MFAP1: variants seen among roughly 807,000 people sequenced by gnomAD.
MFAP1 encodes microfibril associated protein 1, also known as microfibrillar-associated protein 1.
Under a neutral mutation model 62.2 loss-of-function variants are expected in MFAP1, and 18 were observed. That is an observed-to-expected ratio of 0.29 (90% confidence interval 0.20 to 0.43). MFAP1 has a LOEUF of 0.43. MFAP1 is among the 20% of genes least tolerant of loss of function. The pLI, the probability that MFAP1 is intolerant of heterozygous loss-of-function variation, is 1.00. For synonymous variants in MFAP1, 175 were observed against 180.4 expected (o/e 0.97, Z 0.24); for missense variants, 355 against 559.7 (o/e 0.63, Z 3.69).
chr15:43,809,897 G>A lies in MFAP1; in HGVS notation c.905C>T (p.Ala302Val). 6.2e-7 allele frequency: 1 copy of A among 1,614,114 alleles called. No individual in the cohort carries two copies. Among genetic ancestry groups the A allele is most frequent in the Non-Finnish European group, 8.5e-7 (1 of 1,180,020 alleles). Residue 302 changes from alanine to valine, a missense_variant, in exon 7 of 9, where the codon GCA becomes GTA. Coordinates refer to ENST00000267812, the MANE Select transcript of MFAP1 (RefSeq NM_005926.3). ...CAGGTTTCGCATGCGTTCAATTTCT[G>A]CTTTCTCCTTCTCAAGCCTGTCCAG... is the stretch of plus-strand genomic sequence containing the variant. Reference protein sequence around the residue: ...EDREALEKEKAEIERMRNLTE... With the variant: ...EDREALEKEKVEIERMRNLTE...
chr15:43,816,452 G>A (rs975085952), intron 2 of MFAP1, among the ~76,000 whole-genome samples: 1 of 151,752 alleles, frequency 6.6e-6, no homozygotes, highest in African/African-American at 2.4e-5. Context: ...TTACCAAGTT[G>A]GCCAGGCTGG....
chr15:43,817,079 G>A, intron 2 of MFAP1, 150 bp downstream of exon 2: 1 of 808,942 alleles, frequency 1.2e-6, no homozygotes, highest in Non-Finnish European at 1.9e-6. Flanking sequence ...GTGAAATGGG[G>A]ATAATAGCAC....
At chr15:43,811,046 C>T (rs542530490) in intron 6 of MFAP1, among the ~76,000 whole-genome samples, 13 of 151,486 alleles carry the variant, frequency 8.6e-5, no homozygotes, top group African/African-American at 2.2e-4. Context: ...TGAGCCACCA[C>T]GCCCGGCCTT....
At chr15:43,809,652 C>G in intron 7 of MFAP1, 103 bp downstream of exon 7, 1 of 1,393,740 alleles carries the variant, frequency 7.2e-7, no homozygotes, top group East Asian at 2.3e-5. Flanking sequence ...TGACCACTGG[C>G]AAGTGGAAAT....
In MFAP1 at chr15:43,813,402, G is replaced by A. The variant is rs892338501; in HGVS notation, c.618-45C>T. 1.8e-5 allele frequency: 28 copies of A among 1,559,192 alleles called. No homozygotes were observed. The East Asian group carries it at 6.3e-4, about 35-fold the overall frequency. ...TTAATTGCCCAAAGTCCTTAGAGTG[G>A]AGTGCTTTGTTCCCCTAGACCTAGT... is the stretch of plus-strand genomic sequence containing the variant. On this transcript the variant is annotated intron_variant, in intron 4 of 8. Coordinates refer to ENST00000267812, the MANE Select transcript of MFAP1 (RefSeq NM_005926.3).
Position 43,805,386 on chromosome 15 carries a change from T to A in MFAP1, c.1127A>T (p.Lys376Ile). ...TAAGGTTCCCCATACCTGCATGACTTTAGGAAGAATGGTTTTATTGAAATG... is the reference window on the plus strand; with the variant it reads ...TAAGGTTCCCCATACCTGCATGACTATAGGAAGAATGGTTTTATTGAAATG... Reference protein sequence around the residue: ...EDHFNKTILPKVMQVKNFGRS... With the variant: ...EDHFNKTILPIVMQVKNFGRS... The change falls in exon 8 of 9, where the codon AAA (lysine) becomes ATA (isoleucine). Residue 376 changes from lysine (K) to isoleucine (I), a missense_variant. Around this residue, in one of 6 missense-constraint regions of MFAP1, gnomAD observed 44 missense variants for 80.8 expected, o/e 0.54. Transcript: ENST00000267812. The A allele has an allele frequency of 1.2e-6, 2 of 1,613,232 alleles. No homozygotes were observed. Among genetic ancestry groups the A allele is most frequent in the Non-Finnish European group, 1.7e-6 (2 of 1,179,794 alleles).
chr15:43,824,690 T>C lies in MFAP1; in HGVS notation c.-121A>G, dbSNP rs1431008699. ...TCCGCGAACACAGCTGCGCGACTGA[T>C]AGAGAAACTACTTACGGCTGAGCTA... On this transcript the variant is annotated 5_prime_UTR_variant, in exon 1 of 9. Transcript: ENST00000267812. 1.1e-6 allele frequency: 1 copy of C among 946,986 alleles called. No individual in the cohort carries two copies. Among genetic ancestry groups the C allele is most frequent in the Non-Finnish European group, 1.7e-6 (1 of 599,422 alleles). 58.7% of individuals were successfully genotyped at this position (946,986 alleles called of 1,614,324 possible).
In MFAP1 at chr15:43,805,106, C is replaced by G. The variant is rs2087354688; in HGVS notation, c.1308G>C (p.Arg436=). 2 of 1,583,144 alleles carry G rather than the reference C, an allele frequency of 1.3e-6. No homozygotes were observed. The highest frequency in any genetic ancestry group is 2.2e-5 in the South Asian group (2 of 89,580). ...DVFERPSAKK[R]KTT is the part of the protein sequence containing the mutation. The stretch of plus-strand genomic sequence containing the variant: ...AAGCAGTTGGACCCTAGGTAGTTTT[C>G]CGCTTCTTGGCAGATGGCCGCTCAA... The change falls in exon 9 of 9, where the codon CGG becomes CGC. Residue 436 remains arginine (R), a synonymous_variant. Coordinates refer to ENST00000267812, the MANE Select transcript of MFAP1 (RefSeq NM_005926.3).
In MFAP1 at chr15:43,815,076, T is replaced by G. The variant is rs1381694478; in HGVS notation, c.300-2A>C. ...ACTATTTTTCGATGTCGAGCCAATC[T>G]GAAAAACAGTATCTCCAAATGTAAC... On this transcript the variant is annotated splice_acceptor_variant, in intron 2 of 8. Coordinates refer to ENST00000267812, the MANE Select transcript of MFAP1 (RefSeq NM_005926.3). LOFTEE classifies it high-confidence loss of function. 4 of 1,613,896 alleles carry G rather than the reference T, an allele frequency of 2.5e-6. No individual in the cohort carries two copies. The highest frequency in any genetic ancestry group is 2.5e-6 in the Non-Finnish European group (3 of 1,179,964).
chr15:43,823,798 G>C (rs2087482132), intron 1 of MFAP1, among the ~76,000 whole-genome samples: 1 of 152,184 alleles, frequency 6.6e-6, no homozygotes, highest in South Asian at 2.1e-4. Flanking sequence ...TAGATGTATA[G>C]GGATCCAAAG....
chr15:43,814,387 G>A, intron 4 of MFAP1, 114 bp downstream of exon 4: 1 of 1,216,398 alleles, frequency 8.2e-7, no homozygotes, highest in Non-Finnish European at 1.2e-6. Flanking sequence ...ACTAGCAAAA[G>A]CACTTTCACT....
intron 7 of MFAP1, among the ~76,000 whole-genome samples, chr15:43,807,772 T>C (rs909511085): frequency 6.6e-6 from 1 of 152,232 alleles, no homozygotes; most frequent in Non-Finnish European, 1.5e-5. Context: ...TATGTTATAG[T>C]GATTATGTAT....
chr15:43,817,817 C>G (rs143012877), intron 1 of MFAP1, among the ~76,000 whole-genome samples: 1 of 152,168 alleles, frequency 6.6e-6, no homozygotes, highest in Non-Finnish European at 1.5e-5. Context: ...TAACAGTGCC[C>G]AGCACATAGT....
chr15:43,814,878 CAA>C, intron 3 of MFAP1, 65 bp downstream of exon 3: 1 of 1,590,308 alleles, frequency 6.3e-7, no homozygotes, highest in African/African-American at 1.3e-5. Context: ...AAGGCTTCAA[CAA>C]ATGAGCACTG....
At chr15:43,817,193 GGTTCAT>G (rs1312450281) in intron 2 of MFAP1, 30 bp downstream of exon 2, 2 of 1,569,330 alleles carry the variant, frequency 1.3e-6, no homozygotes, top group Admixed American at 1.7e-5. Flanking sequence ...AAGCTGTAGA[GGTTCAT>G]GTTCAAGTAA....
intron 7 of MFAP1, among the ~76,000 whole-genome samples, chr15:43,809,040 G>C (rs568112191): frequency 2.5e-4 from 38 of 152,312 alleles, no homozygotes; most frequent in African/African-American, 8.9e-4. Context: ...CCACCCAAAA[G>C]TGAATTAATG....
chr15:43,821,462 G>A (rs559925876), intron 1 of MFAP1, among the ~76,000 whole-genome samples: 1 of 151,952 alleles, frequency 6.6e-6, no homozygotes, highest in South Asian at 2.1e-4. Flanking sequence ...GGGAAGGAGG[G>A]GTGGGGCATA....
At chr15:43,819,829 G>C (rs946733360) in intron 1 of MFAP1, among the ~76,000 whole-genome samples, 4 of 152,194 alleles carry the variant, frequency 2.6e-5, no homozygotes, top group African/African-American at 9.6e-5. Context: ...CACTGTGACT[G>C]GCCAGAAGCA....
chr15:43,820,007 G>T (rs1389735900), intron 1 of MFAP1, among the ~76,000 whole-genome samples: 2 of 152,218 alleles, frequency 1.3e-5, no homozygotes, highest in Non-Finnish European at 2.9e-5. Flanking sequence ...AATTAGCCAG[G>T]CATGGTGGCG....
Sources: allele counts gnomAD v4.1 joint callset (sites outside exome capture counted in the v4.1 genomes callset), GRCh38; gene constraint gnomAD v4.1.1; regional missense constraint gnomAD v4.1.1; transcripts MANE v1.5; gene names NCBI Gene and HGNC (gene_info 2026-07-23, HGNC 2026-07-21).